Variants in CKAP5 observed in about 807,000 individuals in gnomAD.
CKAP5 encodes the protein cytoskeleton-associated protein 5.
CKAP5 carries 27 observed loss-of-function variants against 232.8 expected under a neutral mutation model. The ratio of observed to expected loss-of-function variants is 0.12; its 90% CI spans 0.09 to 0.16. CKAP5 has a LOEUF of 0.16. Among genes scored for constraint, CKAP5 ranks in the 10% least tolerant of loss-of-function variants. The pLI, the probability that CKAP5 is intolerant of heterozygous loss-of-function variation, is 1.00. For missense variants in CKAP5, 1,838 were observed against 2,424.7 expected, an observed-to-expected ratio of 0.76 and a Z score of 5.08; for synonymous variants, 785 against 841.1, an observed-to-expected ratio of 0.93 and a Z score of 1.16.
At chr11:46,823,572 T>C (rs1363640924) in intron 1 of CKAP5, among the ~76,000 whole-genome samples, 2 of 152,202 alleles carry the variant, frequency 1.3e-5, no homozygotes, top group Non-Finnish European at 2.9e-5. Flanking sequence ...CCATTGGACA[T>C]TTAAATTGTT....
Position 46,765,201 on chromosome 11 carries a change from T to G in CKAP5, c.3467A>C (p.Lys1156Thr). The G allele has an allele frequency of 6.2e-7, 1 of 1,613,430 alleles. No homozygotes were observed. ...SKTSLKEDEDKSGPIFIVVPN... is the reference protein window; with the variant it reads ...SKTSLKEDEDTSGPIFIVVPN... The stretch of plus-strand genomic sequence containing the variant: ...AACAACAATAAAAATAGGCCCGGAT[T>G]TGTCTTCATCCTCCTTTAAGCTGGT... The change falls in exon 28 of 44, where the codon AAA becomes ACA. Residue 1156 changes from lysine (K) to threonine (T), a missense_variant. Lys to Thr is a moderately conservative substitution (Grantham distance 78, BLOSUM62 -1). Coordinates refer to ENST00000529230, the MANE Select transcript of CKAP5 (RefSeq NM_001008938.4).
intron 13 of CKAP5, among the ~76,000 whole-genome samples, chr11:46,795,057 G>T (rs986343736): frequency 2.0e-4 from 30 of 152,052 alleles, no homozygotes; most frequent in Non-Finnish European, 2.8e-4. Context: ...GACCAGGCAC[G>T]GTGGCTCACG....
chr11:46,842,103 A>G lies in CKAP5; in HGVS notation c.-38+4117T>C, dbSNP rs549286619. Among the ~76,000 whole-genome samples the G allele has an allele frequency of 3.9e-5, 6 of 152,216 alleles. No individual in the cohort carries two copies. The South Asian group carries it at 1.2e-3, about 32-fold the overall frequency. ...AAGTGGTGGGTTGGACCTTCCCGCTAGACCAAGCTCAGCTTTCAGTGAATG... is the reference window on the plus strand; with the variant it reads ...AAGTGGTGGGTTGGACCTTCCCGCTGGACCAAGCTCAGCTTTCAGTGAATG... On this transcript the variant is annotated intron_variant, in intron 1 of 43. Transcript: ENST00000529230.
Position 46,760,701 on chromosome 11 carries a change from C to T in CKAP5, c.4305G>A (p.Val1435=). The change falls in exon 33 of 44, where the codon GTG becomes GTA. Residue 1435 remains valine, a synonymous_variant. Transcript: ENST00000529230. The part of the protein sequence containing the change: ...KRPSAAPIKQ[V]EEKPQRAQNI... ...TCTGTGCACGCTGAGGTTTCTCTTC[C>T]ACCTGTTTTATTGGTGCAGCAGAGG... The T allele has an allele frequency of 2.5e-6, 4 of 1,614,194 alleles. No homozygotes were observed. In the South Asian group the frequency reaches 3.3e-5, roughly 13 times the overall value.
chr11:46,819,049 G>T (rs761390610), intron 2 of CKAP5, among the ~76,000 whole-genome samples: 5 of 152,112 alleles, frequency 3.3e-5, no homozygotes, highest in Non-Finnish European at 7.4e-5. Flanking sequence ...TTACACTCCA[G>T]CAGGAGGGGA....
rs1939448020 is a variant in CKAP5, at chr11:46,818,190, A to C, written c.251+120T>G. 3 of 696,562 alleles carry C rather than the reference A, an allele frequency of 4.3e-6. No homozygotes were observed. The East Asian group carries it at 9.5e-5, about 22-fold the overall frequency. The allele number at this position is 696,562 out of a possible 1,614,324, so 43.1% of individuals were successfully genotyped here. A position where few individuals can be genotyped will look rare whatever the true frequency, so the allele number is the denominator to read the frequency against. ...GAAAAACAAGTATCAAGAAACTACG[A>C]AAGTAAGAAAATTCATCTATTCTAA... On this transcript the variant is annotated intron_variant, in intron 3 of 43. Coordinates refer to ENST00000529230, the MANE Select transcript of CKAP5 (RefSeq NM_001008938.4).
Position 46,778,383 on chromosome 11 carries a change from A to C in CKAP5, c.2574-70T>G, listed in dbSNP as rs879116249. 5 of 1,602,834 alleles carry C rather than the reference A, an allele frequency of 3.1e-6. No individual in the cohort carries two copies. The South Asian group carries it at 5.6e-5, about 18-fold the overall frequency. ...GATGATATCACGTTAAGTTCCCCTC[A>C]CTGAATTCAAAAAGAAGACAACATT... On this transcript the variant is annotated intron_variant, in intron 21 of 43. Coordinates refer to ENST00000529230, the MANE Select transcript of CKAP5 (RefSeq NM_001008938.4).
intron 13 of CKAP5, 38 bp downstream of exon 13, chr11:46,795,556 C>T: frequency 6.4e-7 from 1 of 1,555,538 alleles, no homozygotes; most frequent in Non-Finnish European, 8.8e-7. Context: ...GACTCAGACC[C>T]TTCCTTACTA....
At chr11:46,749,020 C>T (rs1051439785) in intron 42 of CKAP5, among the ~76,000 whole-genome samples, 5 of 151,210 alleles carry the variant, frequency 3.3e-5, no homozygotes, top group Admixed American at 6.6e-5. Context: ...TTAGTAGAGA[C>T]GGGGTTTCAC....
intron 13 of CKAP5, among the ~76,000 whole-genome samples, chr11:46,791,396 T>C (rs1270724638): frequency 1.3e-5 from 2 of 151,878 alleles, no homozygotes; most frequent in African/African-American, 4.8e-5. Flanking sequence ...GCTTCCCAAG[T>C]AGCTGAGCAC....
At position 46,799,921 on chromosome 11, in the gene CKAP5, C is replaced by A. The variant is rs189113876; in HGVS notation, c.1083+1279G>T. Among the ~76,000 whole-genome samples the A allele has an allele frequency of 2.8e-3, 421 of 151,874 alleles. 2 individuals are homozygous for A. Among genetic ancestry groups the A allele is most frequent in the African/African-American group, 9.6e-3 (398 of 41,442 alleles). On this transcript the variant is annotated intron_variant, in intron 9 of 43. Transcript: ENST00000529230. ...GAGACTGAGGTGGGAGGATCACCTG[C>A]GCCTAGGAGGTTAAGGCTGCAGTGA...
intron 7 of CKAP5, among the ~76,000 whole-genome samples, chr11:46,809,094 T>TG (rs1357334745): frequency 6.6e-5 from 10 of 152,184 alleles, no homozygotes; most frequent in Admixed American, 5.2e-4. Flanking sequence ...GGTAAAGTAG[T>TG]GGCAGTAGAA....
At chr11:46,824,542 G>A (rs1214890847) in intron 1 of CKAP5, among the ~76,000 whole-genome samples, 2 of 152,102 alleles carry the variant, frequency 1.3e-5, no homozygotes, top group Non-Finnish European at 2.9e-5. Context: ...ATCAAACTGT[G>A]CTTTTCAAAC....
At chr11:46,745,277 C>A (rs1486549659) in intron 42 of CKAP5, among the ~76,000 whole-genome samples, 1 of 152,144 alleles carries the variant, frequency 6.6e-6, no homozygotes. Context: ...TGGGAGGAAA[C>A]ACTGCCTTAT....
At chr11:46,844,948 C>G (rs949482144) in intron 1 of CKAP5, among the ~76,000 whole-genome samples, 5 of 152,278 alleles carry the variant, frequency 3.3e-5, no homozygotes, top group African/African-American at 1.2e-4. Context: ...GCCACCGCGC[C>G]CAGCCTAAAA....
intron 11 of CKAP5, among the ~76,000 whole-genome samples, chr11:46,797,416 G>A (rs562569984): frequency 6.6e-6 from 1 of 151,376 alleles, no homozygotes; most frequent in South Asian, 2.1e-4. Context: ...AAAATTTTTC[G>A]GGTTAAGGAA....
chr11:46,788,802 T>G (rs2065421206), intron 15 of CKAP5, 29 bp from the exon 16 acceptor site: 1 of 1,499,610 alleles, frequency 6.7e-7, no homozygotes, highest in South Asian at 1.2e-5. Context: ...AATAAGAGTT[T>G]AAGGGTTAAA....
chr11:46,765,307 G>T, intron 27 of CKAP5, 51 bp from the exon 28 acceptor site: 1 of 1,515,210 alleles, frequency 6.6e-7, no homozygotes, highest in Non-Finnish European at 8.9e-7. Context: ...TTCTCCTTAA[G>T]AATATGATGC....
chr11:46,753,395 G>C lies in CKAP5; in HGVS notation c.4972C>G (p.Leu1658Val). ...TLMLDSRIED[L>V]EEGQQVIRSV... The stretch of plus-strand genomic sequence containing the variant: ...CGGATGACCTGTTGTCCTTCCTCAA[G>C]ATCTTCAATCCGAGAATCCAGCATT... Residue 1658 changes from leucine (L) to valine (V), a missense_variant, in exon 37 of 44, where the codon CTT (leucine) becomes GTT (valine). Around this residue, in one of 6 missense-constraint regions of CKAP5, gnomAD observed 579 missense variants for 843.2 expected, o/e 0.69. Coordinates refer to ENST00000529230, the MANE Select transcript of CKAP5 (RefSeq NM_001008938.4). 6.2e-7 allele frequency: 1 copy of C among 1,613,968 alleles called. No homozygotes were observed. The highest frequency in any genetic ancestry group is 8.5e-7 in the Non-Finnish European group (1 of 1,179,974).
Sources: allele counts gnomAD v4.1 joint callset (sites outside exome capture counted in the v4.1 genomes callset), GRCh38; gene constraint gnomAD v4.1.1; regional missense constraint gnomAD v4.1.1; transcripts MANE v1.5; gene names NCBI Gene and HGNC (gene_info 2026-07-23, HGNC 2026-07-21).